Variants in SCFD2 observed in about 807,000 individuals in gnomAD.
The protein encoded by SCFD2 is sec1 family domain containing 2.
SCFD2 carries 54 observed loss-of-function variants against 58.9 expected under a neutral mutation model. That is an observed-to-expected ratio of 0.92 (90% CI 0.74 to 1.15). SCFD2 has a LOEUF of 1.15. Ranked by LOEUF, SCFD2 falls within the 50% of genes most tolerant of loss-of-function variation. The pLI is 0.00. For missense variants in SCFD2, 805 were observed against 836.6 expected (o/e 0.96, Z 0.47); for synonymous variants, 321 against 335.9 (o/e 0.96, Z 0.49).
chr4:53,044,395 A>G (rs915668696), intron 5 of SCFD2, among the ~76,000 whole-genome samples: 2 of 151,942 alleles, frequency 1.3e-5, no homozygotes, highest in African/African-American at 4.8e-5. Flanking sequence ...CCCACCTACC[A>G]TAAAGCTCTT....
At chr4:52,904,172 C>T (rs771429898) in intron 7 of SCFD2, among the ~76,000 whole-genome samples, 4 of 152,210 alleles carry the variant, frequency 2.6e-5, no homozygotes, top group African/African-American at 4.8e-5. Context: ...AACATCATCA[C>T]GAAACCATCT....
intron 5 of SCFD2, among the ~76,000 whole-genome samples, chr4:53,041,215 T>A (rs190413078): frequency 6.6e-6 from 1 of 152,298 alleles, no homozygotes; most frequent in African/African-American, 2.4e-5. Flanking sequence ...CAGACGTTTG[T>A]TTCTAGAACT....
intron 4 of SCFD2, among the ~76,000 whole-genome samples, chr4:53,214,700 C>T (rs577068599): frequency 1.2e-3 from 177 of 152,092 alleles, no homozygotes; most frequent in African/African-American, 3.5e-3. Flanking sequence ...CCATTGCTTT[C>T]GGTGTTTTAG....
rs1734652543 is a variant in SCFD2 at position 53,365,038 on chromosome 4, C to T, written c.838+66G>A. 6.5e-7 allele frequency: 1 copy of T among 1,531,298 alleles called. No individual in the cohort carries two copies. The highest frequency in any genetic ancestry group is 2.3e-5 in the East Asian group (1 of 44,408). 94.9% of individuals were successfully genotyped at this position (1,531,298 alleles called of 1,614,324 possible). On this transcript the variant is annotated intron_variant, in intron 1 of 8. Coordinates refer to ENST00000401642, the MANE Select transcript of SCFD2 (RefSeq NM_152540.4). This position sits in a 1 kb window ranked among gnomAD's most constrained non-coding sequence, Gnocchi z 4.3. ...TAATAAAAGGTCAATAAAATATATG[C>T]TGAATCAATGAAAGTCCCAGCAATG...
chr4:53,267,650 A>G (rs943267354), intron 4 of SCFD2, among the ~76,000 whole-genome samples: 6 of 152,162 alleles, frequency 3.9e-5, no homozygotes, highest in African/African-American at 1.4e-4. Flanking sequence ...GGCTATTCAC[A>G]GGCCACTGCA....
intron 4 of SCFD2, among the ~76,000 whole-genome samples, chr4:53,175,531 T>C (rs934418056): frequency 6.6e-6 from 1 of 152,222 alleles, no homozygotes; most frequent in African/African-American, 2.4e-5. Context: ...AATTGAAAAT[T>C]GAAACTCCTA....
intron 4 of SCFD2, among the ~76,000 whole-genome samples, chr4:53,207,331 G>A (rs577719590): frequency 1.4e-5 from 2 of 146,196 alleles, no homozygotes; most frequent in African/African-American, 5.1e-5. Context: ...AAAAAAGGAT[G>A]ATGGCAAGAG....
At chr4:52,959,265 C>T (rs1720787644) in intron 5 of SCFD2, among the ~76,000 whole-genome samples, 1 of 152,108 alleles carries the variant, frequency 6.6e-6, no homozygotes, top group African/African-American at 2.4e-5. Context: ...GCTGCAGTTT[C>T]TTTCTGCTTG....
At chr4:53,221,595 G>A (rs1054545896) in intron 4 of SCFD2, among the ~76,000 whole-genome samples, 2 of 152,118 alleles carry the variant, frequency 1.3e-5, no homozygotes, top group African/African-American at 4.8e-5. Flanking sequence ...CCCATCTAAT[G>A]GATATTGTCC....
intron 3 of SCFD2, among the ~76,000 whole-genome samples, chr4:53,289,518 A>C (rs1312351944): frequency 6.6e-6 from 1 of 152,190 alleles, no homozygotes; most frequent in Admixed American, 6.5e-5. Flanking sequence ...CTTAGTACTA[A>C]AGAAAACTAC....
At chr4:52,973,596 A>C (rs536460138) in intron 5 of SCFD2, among the ~76,000 whole-genome samples, 1 of 152,354 alleles carries the variant, frequency 6.6e-6, no homozygotes, top group Admixed American at 6.5e-5. Flanking sequence ...AGGTACAAGG[A>C]GGAGCTGGTA....
chr4:52,920,378 A>G (rs967741692), intron 6 of SCFD2, among the ~76,000 whole-genome samples: 1 of 152,182 alleles, frequency 6.6e-6, no homozygotes, highest in South Asian at 2.1e-4. Context: ...AAACTTGGGA[A>G]TCCTCTAAGG....
At chr4:53,352,188 A>T (rs1734240976) in intron 2 of SCFD2, among the ~76,000 whole-genome samples, 1 of 152,250 alleles carries the variant, frequency 6.6e-6, no homozygotes, top group Admixed American at 6.5e-5. Flanking sequence ...CCACAGGTAT[A>T]TCATCTAATA....
intron 4 of SCFD2, among the ~76,000 whole-genome samples, chr4:53,151,083 A>T (rs1174956157): frequency 6.6e-6 from 1 of 152,184 alleles, no homozygotes; most frequent in African/African-American, 2.4e-5. Context: ...TTGGAAAGAG[A>T]ATTAGACCTT....
At chr4:53,313,519 A>G in intron 3 of SCFD2, 117 bp downstream of exon 3, 1 of 1,140,066 alleles carries the variant, frequency 8.8e-7, no homozygotes, top group Non-Finnish European at 1.3e-6. Context: ...TTTCAACAGT[A>G]TACAAAAGTC....
chr4:52,886,346 C>T (rs1718741112), intron 7 of SCFD2, among the ~76,000 whole-genome samples: 1 of 152,242 alleles, frequency 6.6e-6, no homozygotes, highest in East Asian at 1.9e-4. Context: ...CCTTGCATCC[C>T]CTCTCTGCTG....
intron 5 of SCFD2, among the ~76,000 whole-genome samples, chr4:52,966,139 G>A: frequency 6.6e-6 from 1 of 152,180 alleles, no homozygotes; most frequent in East Asian, 1.9e-4. Context: ...AGGCCATCTG[G>A]TGATGGGCCC....
chr4:53,362,141 A>C, intron 1 of SCFD2, among the ~76,000 whole-genome samples: 1 of 152,276 alleles, frequency 6.6e-6, no homozygotes, highest in East Asian at 1.9e-4. Context: ...GTGTCAAAGA[A>C]GTTCACCCAG....
chr4:52,920,059 T>G (rs2109484574), intron 6 of SCFD2, among the ~76,000 whole-genome samples: 1 of 152,334 alleles, frequency 6.6e-6, no homozygotes, highest in African/African-American at 2.4e-5. Context: ...GTCTCCTACC[T>G]TGTCCAACAA....
Sources: allele counts gnomAD v4.1 joint callset (sites outside exome capture counted in the v4.1 genomes callset), GRCh38; gene constraint gnomAD v4.1.1; non-coding constraint Gnocchi (gnomAD v3.1); transcripts MANE v1.5; gene names NCBI Gene and HGNC (gene_info 2026-07-23, HGNC 2026-07-21).